Variants in WDPCP observed in about 807,000 individuals in gnomAD.
WDPCP encodes the protein WD repeat-containing and planar cell polarity effector protein fritz homolog.
WDPCP carries 71 observed loss-of-function variants against 93.1 expected under a neutral mutation model. The ratio of observed to expected loss-of-function variants is 0.76; its 90% confidence interval spans 0.63 to 0.93. The LOEUF is 0.93. Ranked by LOEUF, WDPCP falls within the 40% of genes least tolerant of loss-of-function variation. The pLI is 0.00. For missense variants in WDPCP, 844 were observed against 887.4 expected, an observed-to-expected ratio of 0.95 and a Z score of 0.62; for synonymous variants, 315 against 315.0, an observed-to-expected ratio of 1.00 and a Z score of 0.00.
At chr2:63,416,005 C>T (rs769110802) in intron 9 of WDPCP, among the ~76,000 whole-genome samples, 3 of 152,060 alleles carry the variant, frequency 2.0e-5, no homozygotes, top group Non-Finnish European at 4.4e-5. Context: ...TTGATTTGTA[C>T]TAAAAATAAA....
intron 6 of WDPCP, chr2:63,442,350 C>A (rs1697555529): frequency 6.6e-6 from 1 of 152,108 alleles, no homozygotes; most frequent in Admixed American, 6.6e-5. Context: ...TAATGCCTGG[C>A]ACACAGTGTT....
At chr2:63,242,639 C>T (rs776807568) in intron 14 of WDPCP, among the ~76,000 whole-genome samples, 10 of 152,064 alleles carry the variant, frequency 6.6e-5, no homozygotes, top group Non-Finnish European at 1.3e-4. Flanking sequence ...TAAATAAATG[C>T]TATTCTTCAA....
intron 14 of WDPCP, among the ~76,000 whole-genome samples, chr2:63,245,610 G>A (rs1040951108): frequency 6.6e-6 from 1 of 152,104 alleles, no homozygotes; most frequent in African/African-American, 2.4e-5. Flanking sequence ...ATCATGTATT[G>A]AGTAGATCCA....
chr2:63,527,507 A>G (rs1703438359), intron 1 of WDPCP, among the ~76,000 whole-genome samples: 1 of 151,780 alleles, frequency 6.6e-6, no homozygotes, highest in Admixed American at 6.6e-5. Context: ...GCTCAGAATG[A>G]TGGTTTCCAG....
chr2:63,804,219 T>C (rs1392190895), intron 2 of WDPCP, among the ~76,000 whole-genome samples: 1 of 151,762 alleles, frequency 6.6e-6, no homozygotes, highest in Non-Finnish European at 1.5e-5. Context: ...TTTTGAAGCA[T>C]AGAAATGCCC....
chr2:63,189,876 T>G (rs1267059668), intron 14 of WDPCP, among the ~76,000 whole-genome samples: 2 of 152,206 alleles, frequency 1.3e-5, no homozygotes, highest in African/African-American at 2.4e-5. Context: ...CTCTTTGCTA[T>G]TCAGTAAGAT....
intron 1 of WDPCP, among the ~76,000 whole-genome samples, chr2:63,583,746 G>C (rs181517948): frequency 3.3e-5 from 5 of 151,974 alleles, no homozygotes; most frequent in African/African-American, 1.2e-4. Flanking sequence ...AGTGTCATGA[G>C]TGACTGTATT....
At chr2:63,466,304 G>GA (rs1247840494) in intron 6 of WDPCP, among the ~76,000 whole-genome samples, 2 of 151,060 alleles carry the variant, frequency 1.3e-5, no homozygotes, top group African/African-American at 2.4e-5. Context: ...TTTTATTTTT[G>GA]AAAAAAACAC....
chr2:63,728,039 T>C (rs1401959854), intron 2 of WDPCP, among the ~76,000 whole-genome samples: 2 of 152,226 alleles, frequency 1.3e-5, no homozygotes, highest in African/African-American at 2.4e-5. Context: ...GACATGGTAC[T>C]GTTTATCAAT....
chr2:63,509,676 A>C (rs1702104256), intron 1 of WDPCP, among the ~76,000 whole-genome samples: 1 of 152,102 alleles, frequency 6.6e-6, no homozygotes, highest in Admixed American at 6.6e-5. Flanking sequence ...AAATAGATAG[A>C]CCACTAGCCA....
intron 14 of WDPCP, among the ~76,000 whole-genome samples, chr2:63,214,823 C>G (rs995296058): frequency 1.3e-5 from 2 of 152,064 alleles, no homozygotes; most frequent in Admixed American, 1.3e-4. Flanking sequence ...TTCCTGTACA[C>G]CAATAACAGA....
intron 2 of WDPCP, among the ~76,000 whole-genome samples, chr2:63,728,671 CT>C (rs1669521548): frequency 6.6e-6 from 1 of 152,144 alleles, no homozygotes; most frequent in Admixed American, 6.5e-5. Context: ...AGTTATCCCA[CT>C]GCAAGTTGAA....
At chr2:63,266,514 T>C (rs1682131903) in intron 13 of WDPCP, among the ~76,000 whole-genome samples, 1 of 152,026 alleles carries the variant, frequency 6.6e-6, no homozygotes. Flanking sequence ...CACAAATAAA[T>C]GGAAAGATAT....
intron 6 of WDPCP, among the ~76,000 whole-genome samples, chr2:63,457,676 T>C (rs1021186610): frequency 2.0e-5 from 3 of 151,996 alleles, no homozygotes; most frequent in African/African-American, 7.3e-5. Flanking sequence ...ACATGATACA[T>C]CACATCAACA....
chr2:63,421,601 A>T (rs1224163451), intron 9 of WDPCP, among the ~76,000 whole-genome samples: 1 of 152,240 alleles, frequency 6.6e-6, no homozygotes, highest in African/African-American at 2.4e-5. Flanking sequence ...TTTCACAAAA[A>T]GTTGGTTCAA....
intron 12 of WDPCP, among the ~76,000 whole-genome samples, chr2:63,342,528 T>C (rs978576841): frequency 3.9e-5 from 6 of 152,312 alleles, no homozygotes; most frequent in Admixed American, 3.3e-4. Context: ...TATATATTTT[T>C]AGTTATTTTC....
At chr2:63,801,504 C>A (rs1418787127) in intron 2 of WDPCP, among the ~76,000 whole-genome samples, 1 of 152,206 alleles carries the variant, frequency 6.6e-6, no homozygotes, top group Non-Finnish European at 1.5e-5. Context: ...CAGCGGGTTC[C>A]TGCTGTTGGC....
At chr2:63,241,375 A>G (rs1295161793) in intron 14 of WDPCP, among the ~76,000 whole-genome samples, 1 of 152,204 alleles carries the variant, frequency 6.6e-6, no homozygotes, top group African/African-American at 2.4e-5. Context: ...ACCTAAGTCA[A>G]ACAAATAATA....
chr2:63,571,618 C>T (rs1412871762), intron 1 of WDPCP: 2 of 470,966 alleles, frequency 4.2e-6, no homozygotes, highest in East Asian at 1.4e-4. Context: ...CAGAATTTAT[C>T]ATGGTTTTCT....
Sources: gnomAD v4.1 joint callset for allele counts (sites outside exome capture counted in the v4.1 genomes callset) on GRCh38, gnomAD v4.1.1 for gene constraint, MANE v1.5 for transcripts, NCBI Gene and HGNC (gene_info 2026-07-23, HGNC 2026-07-21) for gene names.